Variants in MOG observed in about 807,000 individuals in gnomAD.
MOG encodes the protein myelin oligodendrocyte glycoprotein.
A neutral mutation model predicts 35.9 loss-of-function variants in MOG; 20 were observed. That is an observed-to-expected ratio of 0.56 (90% CI 0.39 to 0.81). The LOEUF (loss-of-function observed/expected upper bound fraction) is 0.81, where lower values mean the gene tolerates loss of function less well. Among genes scored for constraint, MOG ranks in the 30% least tolerant of loss-of-function variants. MOG has a pLI of 0.00. For missense variants in MOG, 251 were observed against 301.0 expected (o/e 0.83, Z 1.23); for synonymous variants, 92 against 114.3 (o/e 0.80, Z 1.25).
Position 29,671,294 on chromosome 6 carries a change from G to A in MOG, c.*109G>A. 1 of 1,611,668 alleles carries A rather than the reference G, an allele frequency of 6.2e-7. No homozygotes were observed. Among genetic ancestry groups the A allele is most frequent in the Non-Finnish European group, 8.5e-7 (1 of 1,179,982 alleles). On this transcript the variant is annotated 3_prime_UTR_variant, in exon 8 of 8. Coordinates refer to ENST00000376917, the MANE Select transcript of MOG (RefSeq NM_206809.4). The stretch of plus-strand genomic sequence containing the variant: ...ACACTCACTGGCATCTTTGCTATGG[G>A]GACATTCCAATTTGCACTTTCAGGA...
At chr6:29,661,816 CAAAA>C (rs9278231) in intron 2 of MOG, 1,925 of 866,676 alleles carry the variant, frequency 2.2e-3, no homozygotes, top group South Asian at 2.8e-3. Flanking sequence ...AACTCCATCT[CAAAA>C]AAAAAAAAAA....
At position 29,671,461 on chromosome 6, in the gene MOG, G is replaced by T. The variant is rs1176796472; in HGVS notation, c.*276G>T. 1.3e-6 allele frequency: 2 copies of T among 1,564,840 alleles called. No homozygotes were observed. Among genetic ancestry groups the T allele is most frequent in the Middle Eastern group, 1.7e-4 (1 of 5,936 alleles). On this transcript the variant is annotated 3_prime_UTR_variant, in exon 8 of 8. Transcript: ENST00000376917. ...GCCCTCTCTGGCTAAGGACAGGCAG[G>T]TGCCCCTCTCTCCATCAGAGGACAC...
chr6:29,670,239 G>A lies in MOG; in HGVS notation c.593-42G>A, dbSNP rs1771159665. ...AAAGACAGGTGGGTGGGGCATGAGGGGGAACACATGTTAACCCTGTTTGTT... is the reference window on the plus strand; with the variant it reads ...AAAGACAGGTGGGTGGGGCATGAGGAGGAACACATGTTAACCCTGTTTGTT... On this transcript the variant is annotated intron_variant, in intron 5 of 7. Transcript: ENST00000376917. The surrounding 1 kb of genome is among the most constrained non-coding windows in gnomAD (Gnocchi z 4.2). 6.2e-7 allele frequency: 1 copy of A among 1,614,176 alleles called. No individual in the cohort carries two copies. Among genetic ancestry groups the A allele is most frequent in the Non-Finnish European group, 8.5e-7 (1 of 1,180,036 alleles).
In MOG at chr6:29,671,322, ACT is replaced by A; in HGVS notation, c.*140_*141del. On this transcript the variant is annotated 3_prime_UTR_variant, in exon 8 of 8. Coordinates refer to ENST00000376917, the MANE Select transcript of MOG (RefSeq NM_206809.4). ...CATTCCAATTTGCACTTTCAGGAAC[ACT>A]CTGAATTCCAAGTAGAATTGATTTC... The A allele has an allele frequency of 1.2e-6, 2 of 1,611,584 alleles. No homozygotes were observed. Among genetic ancestry groups the A allele is most frequent in the South Asian group, 2.2e-5 (2 of 91,016 alleles).
At chr6:29,667,312 T>G (rs1345073516) in intron 3 of MOG, among the ~76,000 whole-genome samples, 2 of 146,602 alleles carry the variant, frequency 1.4e-5, no homozygotes, top group East Asian at 3.9e-4. Context: ...GGGAAGTGGC[T>G]TTAGATAAAC....
chr6:29,670,738 C>T lies in MOG; in HGVS notation c.730+17C>T. The T allele has an allele frequency of 6.2e-7, 1 of 1,612,004 alleles. No homozygotes were observed. The highest frequency in any genetic ancestry group is 8.5e-7 in the Non-Finnish European group (1 of 1,179,510). ...AAGAGCTACGTAAGTTCTCTTCTCT[C>T]TGTTATAAGCAGAGAATAAAAAGCC... is the stretch of plus-strand genomic sequence containing the variant. On this transcript the variant is annotated intron_variant, in intron 7 of 7. Coordinates refer to ENST00000376917, the MANE Select transcript of MOG (RefSeq NM_206809.4). The surrounding 1 kb of genome is among the most constrained non-coding windows in gnomAD (Gnocchi z 4.2).
intron 2 of MOG, 148 bp downstream of exon 2, chr6:29,659,814 T>C (rs983486159): frequency 2.8e-6 from 2 of 706,660 alleles, no homozygotes; most frequent in East Asian, 2.7e-5. Flanking sequence ...CAGAAACTCA[T>C]GCTTAGGGAT....
Position 29,671,583 on chromosome 6 carries a change from G to T in MOG, c.*398G>T. The T allele has an allele frequency of 1.3e-6, 1 of 767,034 alleles. No individual in the cohort carries two copies. The highest frequency in any genetic ancestry group is 1.7e-5 in the African/African-American group (1 of 58,770). 47.5% of individuals were successfully genotyped at this position (767,034 alleles called of 1,614,324 possible). ...CAGTATGGTAACTTTGCAAATGGTG[G>T]TTGTTTCTTCCAAGACTCCAGCCCT... On this transcript the variant is annotated 3_prime_UTR_variant, in exon 8 of 8. Transcript: ENST00000376917.
At chr6:29,661,908 T>A (rs1377914389) in intron 2 of MOG, 15 of 984,832 alleles carry the variant, frequency 1.5e-5, no homozygotes, top group Admixed American at 6.2e-5. Flanking sequence ...TGGGTTGCTA[T>A]CCACATTCCA....
At chr6:29,663,900 C>A in intron 2 of MOG, 1 of 960,720 alleles carries the variant, frequency 1.0e-6, no homozygotes, top group Non-Finnish European at 1.2e-6. Flanking sequence ...ACCTAAGCAA[C>A]CCTCCTGGAC....
At chr6:29,667,992 G>A (rs1051526394) in intron 5 of MOG, 68 bp downstream of exon 5, 2 of 1,500,246 alleles carry the variant, frequency 1.3e-6, no homozygotes, top group South Asian at 1.1e-5. Context: ...AGTCACCTGG[G>A]GGAACAAGGA....
chr6:29,664,424 C>G (rs1739393608), intron 2 of MOG, among the ~76,000 whole-genome samples: 1 of 152,044 alleles, frequency 6.6e-6, no homozygotes, highest in Non-Finnish European at 1.5e-5. Flanking sequence ...CCAAGCCGGT[C>G]TCGAACTCCT....
chr6:29,664,590 A>T (rs1769739844), intron 2 of MOG: 1 of 449,178 alleles, frequency 2.2e-6, no homozygotes, highest in African/African-American at 2.0e-5. Flanking sequence ...GATGAAGTTG[A>T]TAGACCCATC....
chr6:29,666,121 G>T, intron 2 of MOG, 31 bp from the exon 3 acceptor site: 3 of 1,420,160 alleles, frequency 2.1e-6, no homozygotes, highest in Non-Finnish European at 3.0e-6. Flanking sequence ...TTCAGCTCTG[G>T]ACAATGTCAA....
At chr6:29,664,833 A>C in intron 2 of MOG, 2 of 274,798 alleles carry the variant, frequency 7.3e-6, no homozygotes, top group South Asian at 2.9e-5. Flanking sequence ...GGCCTCGAGA[A>C]CTCCTGGGCT....
In MOG at chr6:29,671,887, C is replaced by G. The variant is rs1771531236; in HGVS notation, c.*702C>G. ...ACAGGTCTCAGAATCTTTCCTTCCT[C>G]TCATCCTTTTCTCCTATCTTCATAT... On this transcript the variant is annotated 3_prime_UTR_variant, in exon 8 of 8. Coordinates refer to ENST00000376917, the MANE Select transcript of MOG (RefSeq NM_206809.4). 4.8e-6 allele frequency: 1 copy of G among 209,446 alleles called. No individual in the cohort carries two copies. The highest frequency in any genetic ancestry group is 9.7e-6 in the Non-Finnish European group (1 of 103,460). The allele number at this position is 209,446 out of a possible 1,614,324, so 13.0% of individuals were successfully genotyped here.
Position 29,670,464 on chromosome 6 carries a change from G to A in MOG, c.709+67G>A, listed in dbSNP as rs1771218088. The A allele has an allele frequency of 5.8e-6, 9 of 1,553,024 alleles. No individual in the cohort carries two copies. The highest frequency in any genetic ancestry group is 8.0e-6 in the Non-Finnish European group (9 of 1,126,188). The stretch of plus-strand genomic sequence containing the variant: ...GGACCAAGTCAGCTCTGAATGGGAA[G>A]CCAAAAGAGAATAGAACCAGGACTC... On this transcript the variant is annotated intron_variant, in intron 6 of 7. Transcript: ENST00000376917. This position sits in a 1 kb window ranked among gnomAD's most constrained non-coding sequence, Gnocchi z 4.2.
chr6:29,668,262 G>A (rs554312373), intron 5 of MOG, among the ~76,000 whole-genome samples: 1 of 152,274 alleles, frequency 6.6e-6, no homozygotes, highest in Admixed American at 6.5e-5. Flanking sequence ...TTGGGGAGGT[G>A]AAACAAACAG....
rs188566846 is a variant in MOG at position 29,672,011 on chromosome 6, G to A, written c.*826G>A. On this transcript the variant is annotated 3_prime_UTR_variant, in exon 8 of 8. Coordinates refer to ENST00000376917, the MANE Select transcript of MOG (RefSeq NM_206809.4). ...ATTAATAAAGATACGAGTTTTGGCC[G>A]GGTGCGGTGGCTCACGCCTGTAATC... The A allele has an allele frequency of 7.7e-4, 121 of 156,534 alleles. No homozygotes were observed. Among genetic ancestry groups the A allele is most frequent in the Middle Eastern group, 3.4e-3 (1 of 296 alleles). The allele number at this position is 156,534 out of a possible 1,614,324, so 9.7% of individuals were successfully genotyped here.
Sources: gnomAD v4.1 joint callset for allele counts (sites outside exome capture counted in the v4.1 genomes callset) on GRCh38, gnomAD v4.1.1 for gene constraint, Gnocchi (gnomAD v3.1) non-coding constraint, MANE v1.5 for transcripts, NCBI Gene and HGNC (gene_info 2026-07-23, HGNC 2026-07-21) for gene names.